MRPL3: variants seen among roughly 807,000 people sequenced by gnomAD.
MRPL3 encodes the protein mitochondrial ribosomal protein L3, also known as large ribosomal subunit protein uL3m.
MRPL3 carries 43 observed loss-of-function variants against 44.3 expected under a neutral mutation model. The ratio of observed to expected loss-of-function variants is 0.97; its 90% confidence interval spans 0.76 to 1.25. MRPL3 has a LOEUF of 1.25. Ranked by LOEUF, MRPL3 falls within the 50% of genes most tolerant of loss-of-function variation. The pLI, the probability that MRPL3 is intolerant of heterozygous loss-of-function variation, is 0.00. For missense variants in MRPL3, 406 were observed against 427.6 expected (o/e 0.95, Z 0.45); for synonymous variants, 171 against 152.3 (o/e 1.12, Z -0.91).
intron 4 of MRPL3, among the ~76,000 whole-genome samples, chr3:131,495,914 A>C (rs1391976632): frequency 6.6e-6 from 1 of 152,220 alleles, no homozygotes; most frequent in East Asian, 1.9e-4. Context: ...TGGGTAAGAA[A>C]ATAGATGTTC....
chr3:131,502,884 G>C lies in MRPL3; in HGVS notation c.-63C>G. On this transcript the variant is annotated 5_prime_UTR_variant, in exon 1 of 10. Coordinates refer to ENST00000264995, the MANE Select transcript of MRPL3 (RefSeq NM_007208.4). Reference sequence around the variant, plus strand: ...CGCCCTGCCGCTCTGCTTTCAGGGAGTCCCCACGCCACCGCCACGTGGACG... The same window carrying C: ...CGCCCTGCCGCTCTGCTTTCAGGGACTCCCCACGCCACCGCCACGTGGACG... The C allele has an allele frequency of 1.4e-6, 2 of 1,472,240 alleles. No homozygotes were observed. The highest frequency in any genetic ancestry group is 1.9e-6 in the Non-Finnish European group (2 of 1,062,772). The allele number at this position is 1,472,240 out of a possible 1,614,324, so 91.2% of individuals were successfully genotyped here. A position where few individuals can be genotyped will look rare whatever the true frequency, so the allele number is the denominator to read the frequency against.
intron 6 of MRPL3, among the ~76,000 whole-genome samples, chr3:131,476,580 G>C (rs1303060259): frequency 6.6e-6 from 1 of 151,866 alleles, no homozygotes; most frequent in Non-Finnish European, 1.5e-5. Flanking sequence ...ATCAAATAGA[G>C]GAAAGCTTAA....
chr3:131,489,845 T>G, intron 5 of MRPL3, 136 bp downstream of exon 5: 18 of 451,516 alleles, frequency 4.0e-5, no homozygotes, highest in Middle Eastern at 6.5e-4. Flanking sequence ...AAAAACAAAA[T>G]GAGATACAGT....
intron 6 of MRPL3, 29 bp downstream of exon 6, chr3:131,487,651 G>A (rs370855048): frequency 8.9e-6 from 14 of 1,567,304 alleles, no homozygotes; most frequent in Non-Finnish European, 1.2e-5. Context: ...GAAAACAAAA[G>A]GAAAAGAGAA....
chr3:131,501,945 TCTC>T (rs748105599), intron 1 of MRPL3: 3 of 1,526,750 alleles, frequency 2.0e-6, no homozygotes, highest in South Asian at 2.4e-5. Flanking sequence ...AAATTCATCT[TCTC>T]CTCGCAGATA....
Position 131,501,575 on chromosome 3 carries a change from C to T in MRPL3, c.233G>A (p.Cys78Tyr), listed in dbSNP as rs200877052. ...EDKAQLASKL[C>Y]PLKDEPWPIH... is the part of the protein sequence containing the mutation. The stretch of plus-strand genomic sequence containing the variant: ...AGGCCATGGTTCATCTTTCAGAGGA[C>T]ACAGTTTACTTGCTAATTGGGCTTT... The change falls in exon 2 of 10, where the codon TGT becomes TAT. Residue 78 changes from cysteine (C) to tyrosine (Y), a missense_variant. Physicochemically the swap from Cys to Tyr is radical, Grantham distance 194. Coordinates refer to ENST00000264995, the MANE Select transcript of MRPL3 (RefSeq NM_007208.4). 6.2e-6 allele frequency: 10 copies of T among 1,612,018 alleles called. No homozygotes were observed. In the African/African-American group the frequency reaches 1.2e-4, roughly 19 times the overall value.
Position 131,493,475 on chromosome 3 carries a change from C to T in MRPL3, c.469-3395G>A, listed in dbSNP as rs780335775. ...TGGTCAGCATGCTGACCTGTGAGCA[C>T]CTGGATGGTAAAGGCTGTTTTTTAT... On this transcript the variant is annotated intron_variant, in intron 4 of 9. Transcript: ENST00000264995. Among the ~76,000 whole-genome samples the T allele has an allele frequency of 2.8e-4, 42 of 152,308 alleles. 1 individual carries two copies. The highest frequency in any genetic ancestry group is 6.8e-3 in the Middle Eastern group (2 of 294).
intron 4 of MRPL3, among the ~76,000 whole-genome samples, chr3:131,491,145 C>G (rs1177205531): frequency 1.3e-5 from 2 of 152,166 alleles, no homozygotes. Context: ...TACAGCAAAG[C>G]TCCTGGAAAG....
chr3:131,471,354 C>CA, intron 6 of MRPL3, 75 bp from the exon 7 acceptor site: 1 of 938,034 alleles, frequency 1.1e-6, no homozygotes, highest in Non-Finnish European at 1.7e-6. Context: ...TTTCTAGTAC[C>CA]AACTGTACAC....
chr3:131,490,011 T>C lies in MRPL3; in HGVS notation c.538A>G (p.Asn180Asp). The change falls in exon 5 of 10, where the codon AAT becomes GAT. Residue 180 changes from asparagine to aspartate, a missense_variant. Transcript: ENST00000264995. ...LPPKQTVKIF[N>D]ITDNAAIKPG... ...TTAATTGCAGCATTATCTGTTATATTAAAGATTTTAACTGTCTGTTTCGGC... is the reference window on the plus strand; with the variant it reads ...TTAATTGCAGCATTATCTGTTATATCAAAGATTTTAACTGTCTGTTTCGGC... 6.2e-7 allele frequency: 1 copy of C among 1,611,006 alleles called. No individual in the cohort carries two copies. Among genetic ancestry groups the C allele is most frequent in the East Asian group, 2.2e-5 (1 of 44,830 alleles).
chr3:131,468,851 T>C (rs999831681), intron 8 of MRPL3, among the ~76,000 whole-genome samples: 5 of 152,082 alleles, frequency 3.3e-5, no homozygotes, highest in Non-Finnish European at 7.4e-5. Flanking sequence ...AAACTTCTCC[T>C]GGTCAAAATT....
At position 131,462,523 on chromosome 3, in the gene MRPL3, C is replaced by T; in HGVS notation, c.*200G>A. The T allele has an allele frequency of 2.4e-6, 1 of 415,814 alleles. No individual in the cohort carries two copies. Among genetic ancestry groups the T allele is most frequent in the Non-Finnish European group, 4.1e-6 (1 of 243,718 alleles). The allele number at this position is 415,814 out of a possible 1,614,324, so 25.8% of individuals were successfully genotyped here. ...CACCAATTTCAGCAAATCCAATCTACTTAACTCATATATTTAATGTGGTAA... is the reference window on the plus strand; with the variant it reads ...CACCAATTTCAGCAAATCCAATCTATTTAACTCATATATTTAATGTGGTAA... On this transcript the variant is annotated 3_prime_UTR_variant, in exon 10 of 10. Coordinates refer to ENST00000264995, the MANE Select transcript of MRPL3 (RefSeq NM_007208.4).
intron 6 of MRPL3, among the ~76,000 whole-genome samples, chr3:131,486,933 C>A (rs1034240289): frequency 6.6e-6 from 1 of 152,108 alleles, no homozygotes; most frequent in Non-Finnish European, 1.5e-5. Flanking sequence ...TACCATTTGA[C>A]CCAGCAATCC....
chr3:131,479,048 T>A (rs985498653), intron 6 of MRPL3: 5 of 463,938 alleles, frequency 1.1e-5, no homozygotes, highest in African/African-American at 1.0e-4. Flanking sequence ...AAGTAGAGGT[T>A]TTTCAATTAG....
intron 2 of MRPL3, among the ~76,000 whole-genome samples, chr3:131,501,134 G>A (rs1309519400): frequency 6.6e-6 from 1 of 152,192 alleles, no homozygotes; most frequent in East Asian, 1.9e-4. Context: ...TAGACACAAA[G>A]AGCTGATCCA....
intron 3 of MRPL3, among the ~76,000 whole-genome samples, chr3:131,499,201 C>T (rs1449571773): frequency 1.3e-5 from 2 of 152,148 alleles, no homozygotes; most frequent in African/African-American, 4.8e-5. Context: ...TAAGGTTCAT[C>T]TATATTGTGT....
At chr3:131,482,980 ATTC>A (rs1237895967) in intron 6 of MRPL3, among the ~76,000 whole-genome samples, 3 of 126,836 alleles carry the variant, frequency 2.4e-5, no homozygotes, top group South Asian at 2.6e-4. Context: ...TCTTTGTTTC[ATTC>A]TTCTTTTTTT....
chr3:131,487,672 G>A lies in MRPL3; in HGVS notation c.629+8C>T. 1 of 1,606,952 alleles carries A rather than the reference G, an allele frequency of 6.2e-7. No individual in the cohort carries two copies. Among genetic ancestry groups the A allele is most frequent in the African/African-American group, 1.3e-5 (1 of 74,742 alleles). On this transcript the variant is annotated splice_region_variant and intron_variant, in intron 6 of 9. Coordinates refer to ENST00000264995, the MANE Select transcript of MRPL3 (RefSeq NM_007208.4). ...AAAAGGAAAAGAGAACTCGCTATGA[G>A]GACCTACGTTTTGGCTGTGACATCC...
At chr3:131,482,779 C>T (rs1013033793) in intron 6 of MRPL3, among the ~76,000 whole-genome samples, 1 of 151,094 alleles carries the variant, frequency 6.6e-6, no homozygotes, top group African/African-American at 2.5e-5. Context: ...TTACAGATAA[C>T]CAGAAGGAAA....
Sources: gnomAD v4.1 joint callset for allele counts (sites outside exome capture counted in the v4.1 genomes callset) on GRCh38, gnomAD v4.1.1 for gene constraint, MANE v1.5 for transcripts, NCBI Gene and HGNC (gene_info 2026-07-23, HGNC 2026-07-21) for gene names.